LCOR: variants seen among roughly 807,000 people sequenced by gnomAD.
LCOR encodes the protein ligand-dependent corepressor.
Under a neutral mutation model 64.4 loss-of-function variants are expected in LCOR, and 14 were observed. The observed-to-expected ratio is 0.22, with a 90% CI of 0.14 to 0.34. LCOR has a LOEUF of 0.34. LCOR is among the 10% of genes least tolerant of loss of function. The pLI, the probability that LCOR is intolerant of heterozygous loss-of-function variation, is 1.00. For missense variants in LCOR, 1,686 were observed against 1,765.3 expected, an observed-to-expected ratio of 0.96 and a Z score of 0.80; for synonymous variants, 643 against 642.5, an observed-to-expected ratio of 1.00 and a Z score of -0.01.
intron 7 of LCOR, among the ~76,000 whole-genome samples, chr10:96,969,813 T>C (rs890684294): frequency 1.4e-4 from 20 of 147,462 alleles, no homozygotes; most frequent in Non-Finnish European, 4.5e-5. Flanking sequence ...AGAGTCTCGC[T>C]CTGTTGCCCA....
intron 2 of LCOR, among the ~76,000 whole-genome samples, chr10:96,867,429 T>C (rs993438280): frequency 9.2e-5 from 14 of 152,110 alleles, no homozygotes; most frequent in Admixed American, 3.9e-4. Context: ...AGATCTTGCC[T>C]CCCCAAAACA....
intron 7 of LCOR, among the ~76,000 whole-genome samples, chr10:96,977,212 T>C (rs1848046686): frequency 6.6e-6 from 1 of 152,224 alleles, no homozygotes; most frequent in African/African-American, 2.4e-5. Context: ...CTATTTATTT[T>C]TACTTAAAGT....
chr10:96,863,108 C>T (rs1055377292), intron 2 of LCOR, among the ~76,000 whole-genome samples: 2 of 151,374 alleles, frequency 1.3e-5, no homozygotes, highest in Non-Finnish European at 2.9e-5. Flanking sequence ...GTCTCATACT[C>T]CTGACCTCAA....
intron 2 of LCOR, among the ~76,000 whole-genome samples, chr10:96,853,805 C>T (rs879380991): frequency 6.6e-5 from 10 of 152,166 alleles, no homozygotes; most frequent in Non-Finnish European, 1.2e-4. Flanking sequence ...CTCAGTTTGT[C>T]ATGGCTGGAG....
intron 2 of LCOR, among the ~76,000 whole-genome samples, chr10:96,884,002 C>T (rs1846303484): frequency 6.6e-6 from 1 of 151,784 alleles, no homozygotes; most frequent in South Asian, 2.1e-4. Flanking sequence ...TTACATATAC[C>T]ATATAACATA....
At chr10:96,858,495 A>C (rs1016315281) in intron 2 of LCOR, among the ~76,000 whole-genome samples, 1 of 152,224 alleles carries the variant, frequency 6.6e-6, no homozygotes, top group Non-Finnish European at 1.5e-5. Context: ...ACAGTTTGCT[A>C]GAGAAACAAA....
chr10:96,858,195 G>C (rs1361033185), intron 2 of LCOR, among the ~76,000 whole-genome samples: 3 of 152,152 alleles, frequency 2.0e-5, no homozygotes, highest in Non-Finnish European at 4.4e-5. Context: ...TTTTCTATTT[G>C]TGTGAATTGT....
intron 7 of LCOR, chr10:96,955,401 A>G (rs139623504): frequency 3.6e-5 from 58 of 1,614,062 alleles, no homozygotes; most frequent in Non-Finnish European, 4.8e-5. Context: ...AGTTCGAGGA[A>G]TGGATCTTTC....
intron 2 of LCOR, among the ~76,000 whole-genome samples, chr10:96,875,541 A>G (rs1165067815): frequency 1.3e-5 from 2 of 152,188 alleles, no homozygotes; most frequent in East Asian, 3.9e-4. Flanking sequence ...GTTCATCATT[A>G]CCACTGCCTT....
rs78058542 is a variant in LCOR at position 96,937,163 on chromosome 10, C to T, written c.-183-6950C>T. Reference sequence around the variant, plus strand: ...AGAGACTTGGAGACACAGACACACACACAGGGAAGAGGACCATGTAAAGAT... The same window carrying T: ...AGAGACTTGGAGACACAGACACACATACAGGGAAGAGGACCATGTAAAGAT... On this transcript the variant is annotated intron_variant, in intron 4 of 7. Coordinates refer to ENST00000421806, the MANE Select transcript of LCOR (RefSeq NM_001346516.2). Among the ~76,000 whole-genome samples, 21 of 152,252 alleles carry T rather than the reference C, an allele frequency of 1.4e-4. No homozygotes were observed. The East Asian group carries it at 3.9e-3, about 28-fold the overall frequency.
intron 2 of LCOR, among the ~76,000 whole-genome samples, chr10:96,873,094 T>C (rs193066717): frequency 2.0e-5 from 3 of 152,162 alleles, no homozygotes; most frequent in African/African-American, 4.8e-5. Flanking sequence ...GTTGGAAGGA[T>C]AGACATGATT....
chr10:96,854,105 A>G (rs1845764906), intron 2 of LCOR, among the ~76,000 whole-genome samples: 1 of 152,172 alleles, frequency 6.6e-6, no homozygotes, highest in Non-Finnish European at 1.5e-5. Flanking sequence ...ATACGCAAAG[A>G]ATTTGGAAAT....
chr10:96,877,095 T>TGAGGCATCA (rs1846180615), intron 2 of LCOR, among the ~76,000 whole-genome samples: 1 of 152,190 alleles, frequency 6.6e-6, no homozygotes, highest in Non-Finnish European at 1.5e-5. Flanking sequence ...TTGGCTAAGT[T>TGAGGCATCA]GAGGCATCCA....
At chr10:96,957,237 C>T (rs1159996178) in intron 7 of LCOR, 1 of 984,378 alleles carries the variant, frequency 1.0e-6, no homozygotes, top group Non-Finnish European at 1.2e-6. Context: ...CTACATAATA[C>T]CCCCCTTCTT....
intron 2 of LCOR, among the ~76,000 whole-genome samples, chr10:96,863,453 C>T (rs895004135): frequency 6.6e-6 from 1 of 152,162 alleles, no homozygotes; most frequent in African/African-American, 2.4e-5. Context: ...ATCTACCCAC[C>T]TCGGCCTCCC....
intron 2 of LCOR, among the ~76,000 whole-genome samples, chr10:96,859,290 A>G (rs1328489822): frequency 2.0e-5 from 3 of 152,170 alleles, no homozygotes; most frequent in Non-Finnish European, 4.4e-5. Context: ...GCTCACTGCA[A>G]CCTTAGCGTC....
chr10:96,914,009 T>A (rs1846893172), intron 4 of LCOR, among the ~76,000 whole-genome samples: 2 of 152,188 alleles, frequency 1.3e-5, no homozygotes, highest in Admixed American at 1.3e-4. Flanking sequence ...GGGCATTTAT[T>A]TTTGGAAGTA....
rs1848154955 is a variant in LCOR at position 96,987,059 on chromosome 10, A to G, written c.*1925A>G. On this transcript the variant is annotated 3_prime_UTR_variant, in exon 8 of 8. Coordinates refer to ENST00000421806, the MANE Select transcript of LCOR (RefSeq NM_001346516.2). Reference sequence around the variant, plus strand: ...CCTGATTTTTTTTCATGTCTTCTCTATCTGATGAGTCTTTTTCTTTTTAGT... The same window carrying G: ...CCTGATTTTTTTTCATGTCTTCTCTGTCTGATGAGTCTTTTTCTTTTTAGT... 2 of 152,054 alleles carry G rather than the reference A, an allele frequency of 1.3e-5. No individual in the cohort carries two copies. Among genetic ancestry groups the G allele is most frequent in the South Asian group, 2.1e-4 (1 of 4,810 alleles). 9.4% of individuals were successfully genotyped at this position (152,054 alleles called of 1,614,324 possible). A position where few individuals can be genotyped will look rare whatever the true frequency, so the allele number is the denominator to read the frequency against.
intron 2 of LCOR, among the ~76,000 whole-genome samples, chr10:96,868,278 C>CTTTTTT (rs528398644): frequency 2.9e-5 from 4 of 136,628 alleles, no homozygotes; most frequent in African/African-American, 1.1e-4. Context: ...CTTTTCTTTT[C>CTTTTTT]TTTTTTTTTT....
Sources: allele counts gnomAD v4.1 joint callset (sites outside exome capture counted in the v4.1 genomes callset), GRCh38; gene constraint gnomAD v4.1.1; transcripts MANE v1.5; gene names NCBI Gene and HGNC (gene_info 2026-07-23, HGNC 2026-07-21).